Variants in SLC35F4 observed in about 807,000 individuals in gnomAD.
SLC35F4 encodes the protein solute carrier family 35 member F4.
Under a neutral mutation model 44.2 loss-of-function variants are expected in SLC35F4, and 24 were observed. That is an observed-to-expected ratio of 0.54 (90% confidence interval 0.39 to 0.76). SLC35F4 has a LOEUF of 0.76. Ranked by LOEUF, SLC35F4 falls within the 30% of genes least tolerant of loss-of-function variation. SLC35F4 has a pLI of 0.00. For synonymous variants in SLC35F4, 238 were observed against 223.6 expected (o/e 1.06, Z -0.57); for missense variants, 562 against 586.1 (o/e 0.96, Z 0.42).
intron 1 of SLC35F4, among the ~76,000 whole-genome samples, chr14:57,932,345 T>C (rs1294016379): frequency 6.6e-6 from 1 of 152,252 alleles, no homozygotes; most frequent in African/African-American, 2.4e-5. Context: ...CTTCGAATCA[T>C]AATCTATAGA....
At chr14:57,778,296 C>A (rs1201206911) in intron 1 of SLC35F4, among the ~76,000 whole-genome samples, 1 of 152,054 alleles carries the variant, frequency 6.6e-6, no homozygotes, top group East Asian at 1.9e-4. Context: ...TCTTTATCAG[C>A]AGCATGAGAA....
intron 1 of SLC35F4, among the ~76,000 whole-genome samples, chr14:57,721,440 A>AG (rs374032412): frequency 6.6e-4 from 100 of 152,314 alleles, no homozygotes; most frequent in African/African-American, 2.0e-3. Context: ...TGATGAACTC[A>AG]GGGATTTTAA....
intron 1 of SLC35F4, among the ~76,000 whole-genome samples, chr14:57,605,128 G>C (rs190228551): frequency 1.9e-4 from 29 of 152,192 alleles, no homozygotes; most frequent in East Asian, 1.4e-3. Context: ...TTAAACTGAA[G>C]AGCTTCTGCA....
intron 1 of SLC35F4, among the ~76,000 whole-genome samples, chr14:57,855,799 T>G (rs536486818): frequency 5.8e-4 from 88 of 152,254 alleles, no homozygotes; most frequent in Admixed American, 1.2e-3. Context: ...CAAATGTCCA[T>G]CAATGATAGA....
chr14:57,972,081 T>A (rs1008682147), downstream of SLC35F4, among the ~76,000 whole-genome samples: 1 of 150,796 alleles, frequency 6.6e-6, no homozygotes, highest in Non-Finnish European at 1.5e-5. Flanking sequence ...GGAAACAGCA[T>A]GAGGTGGAAA....
At chr14:57,762,615 A>G in intron 1 of SLC35F4, among the ~76,000 whole-genome samples, 1 of 152,164 alleles carries the variant, frequency 6.6e-6, no homozygotes, top group Non-Finnish European at 1.5e-5. Flanking sequence ...AGAAATGATT[A>G]GGCCATGAGG....
At chr14:57,851,857 C>T (rs1479068477) in intron 1 of SLC35F4, among the ~76,000 whole-genome samples, 1 of 152,178 alleles carries the variant, frequency 6.6e-6, no homozygotes, top group Non-Finnish European at 1.5e-5. Flanking sequence ...AGTGAGGAAG[C>T]TGAGTGAGGG....
At chr14:57,861,738 C>T (rs1051133444) in intron 1 of SLC35F4, among the ~76,000 whole-genome samples, 1 of 152,196 alleles carries the variant, frequency 6.6e-6, no homozygotes, top group South Asian at 2.1e-4. Context: ...CCTTCAAACT[C>T]TTTATTTACT....
intron 1 of SLC35F4, among the ~76,000 whole-genome samples, chr14:57,622,769 T>G (rs1420275691): frequency 6.6e-6 from 1 of 152,006 alleles, no homozygotes; most frequent in Non-Finnish European, 1.5e-5. Flanking sequence ...TGTATACATA[T>G]GTAACTAATC....
intron 1 of SLC35F4, among the ~76,000 whole-genome samples, chr14:57,642,597 AC>A (rs1361010671): frequency 6.6e-6 from 1 of 151,958 alleles, no homozygotes; most frequent in East Asian, 1.9e-4. Flanking sequence ...AGAACTGTTT[AC>A]TTTTTTTGAT....
chr14:57,781,830 A>G (rs2077629285), intron 1 of SLC35F4, among the ~76,000 whole-genome samples: 1 of 152,200 alleles, frequency 6.6e-6, no homozygotes, highest in South Asian at 2.1e-4. Context: ...CAAATAGCTC[A>G]TATTCTCACT....
chr14:57,713,443 T>C (rs2075861141), intron 1 of SLC35F4, among the ~76,000 whole-genome samples: 1 of 152,146 alleles, frequency 6.6e-6, no homozygotes, highest in African/African-American at 2.4e-5. Context: ...TACCCCCTAG[T>C]TTAAGTACCA....
At chr14:57,923,007 G>T (rs1316277507) in intron 1 of SLC35F4, among the ~76,000 whole-genome samples, 9 of 152,186 alleles carry the variant, frequency 5.9e-5, no homozygotes, top group African/African-American at 9.7e-5. Flanking sequence ...TATGCTTTAT[G>T]ATATCTCACT....
intron 1 of SLC35F4, among the ~76,000 whole-genome samples, chr14:57,980,115 C>G (rs980043835): frequency 1.3e-5 from 2 of 152,166 alleles, no homozygotes; most frequent in African/African-American, 4.8e-5. Context: ...TAGGCTGAAA[C>G]AAATACTTTC....
At chr14:57,765,364 G>C (rs1286155469) in intron 1 of SLC35F4, among the ~76,000 whole-genome samples, 3 of 152,220 alleles carry the variant, frequency 2.0e-5, no homozygotes, top group Admixed American at 1.3e-4. Context: ...GCAAGATAAA[G>C]ATCCCCTCTC....
chr14:57,777,741 G>T (rs1021623910), intron 1 of SLC35F4, among the ~76,000 whole-genome samples: 3 of 151,968 alleles, frequency 2.0e-5, no homozygotes, highest in African/African-American at 7.3e-5. Flanking sequence ...TAACAAATCT[G>T]CATGTTGTAC....
At chr14:57,902,052 G>C (rs918960467) in intron 1 of SLC35F4, among the ~76,000 whole-genome samples, 63 of 152,266 alleles carry the variant, frequency 4.1e-4, no homozygotes, top group African/African-American at 1.5e-3. Context: ...AAGCACAAAA[G>C]TTCAGGTGCC....
intron 1 of SLC35F4, among the ~76,000 whole-genome samples, chr14:57,742,732 A>T (rs1057073372): frequency 6.6e-6 from 1 of 152,242 alleles, no homozygotes; most frequent in African/African-American, 2.4e-5. Flanking sequence ...CCTAATAGAC[A>T]TCTACAGAAC....
At chr14:57,755,275 C>T (rs1253091030) in intron 1 of SLC35F4, among the ~76,000 whole-genome samples, 4 of 152,106 alleles carry the variant, frequency 2.6e-5, no homozygotes, top group Non-Finnish European at 5.9e-5. Context: ...GCTTCAGCCA[C>T]GGAAATCTAA....
Sources: gnomAD v4.1 joint callset for allele counts (sites outside exome capture counted in the v4.1 genomes callset) on GRCh38, gnomAD v4.1.1 for gene constraint, MANE v1.5 for transcripts, NCBI Gene and HGNC (gene_info 2026-07-23, HGNC 2026-07-21) for gene names.